Variants in SNX9 observed in about 807,000 individuals in gnomAD.
SNX9 encodes the protein sorting nexin-9.
In SNX9, 44 loss-of-function variants were observed where a neutral mutation model predicts 89.4. That is an observed-to-expected ratio of 0.49 (90% CI 0.39 to 0.63). The LOEUF (loss-of-function observed/expected upper bound fraction) is 0.63, where lower values mean the gene tolerates loss of function less well. SNX9 is among the 30% of genes least tolerant of loss of function. SNX9 has a pLI of 0.00. For synonymous variants in SNX9, 236 were observed against 247.8 expected (o/e 0.95, Z 0.45); for missense variants, 578 against 736.1 (o/e 0.79, Z 2.49).
At chr6:157,844,033 C>A (rs553765039) in intron 1 of SNX9, among the ~76,000 whole-genome samples, 2 of 152,038 alleles carry the variant, frequency 1.3e-5, no homozygotes, top group African/African-American at 4.8e-5. Context: ...TACCTCCTCA[C>A]CTGCCTAATT....
intron 1 of SNX9, among the ~76,000 whole-genome samples, chr6:157,856,667 AT>A (rs1241627067): frequency 6.6e-6 from 1 of 152,166 alleles, no homozygotes; most frequent in Non-Finnish European, 1.5e-5. Context: ...CCCAACCCTT[AT>A]CCCCTACTTG....
chr6:157,844,600 G>GTTTGTTTTTTTTTTTTTTTTTT (rs1781767359), intron 1 of SNX9, among the ~76,000 whole-genome samples: 1 of 131,806 alleles, frequency 7.6e-6, no homozygotes, highest in Non-Finnish European at 1.6e-5. Context: ...TTTTTTTTTT[G>GTTTGTTTTTTTTTTTTTTTTTT]TTTTTTTTTT....
chr6:157,835,176 C>T (rs554663950), intron 1 of SNX9, among the ~76,000 whole-genome samples: 35 of 152,128 alleles, frequency 2.3e-4, no homozygotes, highest in African/African-American at 8.0e-4. Context: ...CCACGCTCAG[C>T]TAATTTCTGT....
rs371297380 is a variant in SNX9 at position 157,900,956 on chromosome 6, G to A, written c.473-942G>A. On this transcript the variant is annotated intron_variant, in intron 5 of 17. Transcript: ENST00000392185. ...GCCCAGAAGAGCCCTGGCAAGATGA[G>A]GGCGTTTATAGCCCTATCTTATCCA... 3.9e-4 allele frequency among the ~76,000 whole-genome samples: 60 copies of A among 152,302 alleles called. No individual in the cohort carries two copies. In the South Asian group the frequency reaches 0.011, roughly 27 times the overall value.
At chr6:157,880,517 C>T (rs982973558) in intron 4 of SNX9, among the ~76,000 whole-genome samples, 13 of 152,216 alleles carry the variant, frequency 8.5e-5, no homozygotes, top group African/African-American at 2.7e-4. Flanking sequence ...AATTCATCTT[C>T]AACCGAATCA....
chr6:157,885,840 GT>G (rs943558906), intron 4 of SNX9, among the ~76,000 whole-genome samples: 1 of 152,214 alleles, frequency 6.6e-6, no homozygotes, highest in African/African-American at 2.4e-5. Context: ...TGAAGTGGAC[GT>G]TTGGTGTCTG....
chr6:157,889,927 T>C (rs1268268583), intron 4 of SNX9, among the ~76,000 whole-genome samples: 1 of 152,240 alleles, frequency 6.6e-6, no homozygotes, highest in Non-Finnish European at 1.5e-5. Flanking sequence ...CATTATGTCA[T>C]TTAATCCTTA....
At chr6:157,875,246 T>C (rs962312374) in intron 4 of SNX9, 70 bp downstream of exon 4, 18 of 1,541,066 alleles carry the variant, frequency 1.2e-5, no homozygotes, top group Non-Finnish European at 1.5e-5. Flanking sequence ...TGAAGGCTTG[T>C]GATGCATTAT....
At chr6:157,938,517 G>A (rs535415865) in intron 15 of SNX9, 116 bp from the exon 16 acceptor site, 1 of 599,246 alleles carries the variant, frequency 1.7e-6, no homozygotes, top group African/African-American at 1.9e-5. Context: ...TTATTTTGTG[G>A]AGGTATTTCC....
At chr6:157,852,695 A>T (rs1248597307) in intron 1 of SNX9, among the ~76,000 whole-genome samples, 1 of 151,864 alleles carries the variant, frequency 6.6e-6, no homozygotes, top group African/African-American at 2.4e-5. Context: ...TCCCACTTCT[A>T]CCTGCCAAGT....
intron 5 of SNX9, among the ~76,000 whole-genome samples, chr6:157,900,774 CACAGTCTTTCCATA>C (rs1783080483): frequency 6.6e-6 from 1 of 152,186 alleles, no homozygotes; most frequent in South Asian, 2.1e-4. Flanking sequence ...AAAACAGAAA[CACAGTCTTTCCATA>C]ACCTATGATT....
At chr6:157,902,250 A>C (rs925391184) in intron 6 of SNX9, among the ~76,000 whole-genome samples, 1 of 152,178 alleles carries the variant, frequency 6.6e-6, no homozygotes, top group Non-Finnish European at 1.5e-5. Context: ...AAGGTTAATA[A>C]GTGAAATATT....
At chr6:157,854,529 T>C (rs1781971960) in intron 1 of SNX9, among the ~76,000 whole-genome samples, 1 of 152,276 alleles carries the variant, frequency 6.6e-6, no homozygotes, top group African/African-American at 2.4e-5. Flanking sequence ...GTGCTTTGAC[T>C]AGTTGTGTAC....
intron 12 of SNX9, among the ~76,000 whole-genome samples, chr6:157,930,333 G>T (rs2115206364): frequency 6.6e-6 from 1 of 152,260 alleles, no homozygotes; most frequent in Admixed American, 6.5e-5. Flanking sequence ...TATAGAATTA[G>T]CCCTGAGAAA....
rs1208636844 is a variant in SNX9, at chr6:157,930,497, G to T, written c.1289-1698G>T. Among the ~76,000 whole-genome samples the T allele has an allele frequency of 3.3e-5, 5 of 152,234 alleles. No homozygotes were observed. The East Asian group carries it at 9.6e-4, about 29-fold the overall frequency. On this transcript the variant is annotated intron_variant, in intron 12 of 17. Transcript: ENST00000392185. ...ATGGACTGGTACATGGACCATTACCGCACAGCAGGAGGCAAGTGAAGCTTC... is the reference window on the plus strand; with the variant it reads ...ATGGACTGGTACATGGACCATTACCTCACAGCAGGAGGCAAGTGAAGCTTC...
intron 11 of SNX9, 69 bp downstream of exon 11, chr6:157,927,283 C>A: frequency 8.9e-7 from 1 of 1,117,338 alleles, no homozygotes; most frequent in Non-Finnish European, 1.4e-6. Flanking sequence ...CAGGCTTCAG[C>A]CAGTGTAGCC....
chr6:157,928,648 G>C lies in SNX9; in HGVS notation c.1234G>C (p.Gly412Arg). 6.2e-7 allele frequency: 1 copy of C among 1,610,952 alleles called. No individual in the cohort carries two copies. Among genetic ancestry groups the C allele is most frequent in the Non-Finnish European group, 8.5e-7 (1 of 1,178,716 alleles). ...GAAGTTCACCAAGGCCATGGATGAC[G>C]GCGTGAAGGAGCTGCTGACGGTGGG... ...VGKFTKAMDD[G>R]VKELLTVGQE... Residue 412 changes from glycine (G) to arginine (R), a missense_variant, in exon 12 of 18, where the codon GGC (glycine) becomes CGC (arginine). Coordinates refer to ENST00000392185, the MANE Select transcript of SNX9 (RefSeq NM_016224.5).
chr6:157,938,797 C>A, intron 16 of SNX9, 50 bp downstream of exon 16: 1 of 1,399,498 alleles, frequency 7.1e-7, no homozygotes, highest in Non-Finnish European at 1.0e-6. Context: ...TTTTTTTCCC[C>A]AGCAAAGTTT....
intron 1 of SNX9, among the ~76,000 whole-genome samples, chr6:157,846,116 C>T (rs1781802842): frequency 6.6e-6 from 1 of 152,256 alleles, no homozygotes; most frequent in Admixed American, 6.5e-5. Context: ...GCCTTCGCAT[C>T]TGATGCATCC....
Sources: allele counts gnomAD v4.1 joint callset (sites outside exome capture counted in the v4.1 genomes callset), GRCh38; gene constraint gnomAD v4.1.1; transcripts MANE v1.5; gene names NCBI Gene and HGNC (gene_info 2026-07-23, HGNC 2026-07-21).